HDAC2: variants seen among roughly 807,000 people sequenced by gnomAD.
The protein encoded by HDAC2 is histone deacetylase 2, also known as YY1-associated factor 1.
A neutral mutation model predicts 68.5 loss-of-function variants in HDAC2; 5 were observed. The observed-to-expected ratio is 0.07, with a 90% CI of 0.04 to 0.15. The LOEUF is 0.15. Among genes scored for constraint, HDAC2 ranks in the 10% least tolerant of loss-of-function variants. HDAC2 has a pLI of 1.00. For synonymous variants in HDAC2, 182 were observed against 191.3 expected (o/e 0.95, Z 0.40); for missense variants, 291 against 600.8 (o/e 0.48, Z 5.39).
intron 1 of HDAC2, among the ~76,000 whole-genome samples, chr6:113,963,166 C>A (rs1464873588): frequency 6.6e-6 from 1 of 151,534 alleles, no homozygotes; most frequent in Non-Finnish European, 1.5e-5. Context: ...TCACTGCAAC[C>A]TCCACCTCTG....
intron 2 of HDAC2, among the ~76,000 whole-genome samples, chr6:113,959,259 T>C (rs373515364): frequency 2.0e-5 from 3 of 152,244 alleles, no homozygotes; most frequent in African/African-American, 7.2e-5. Context: ...AGTCTTATTC[T>C]AACTTCCCCT....
At chr6:113,947,948 T>C (rs1262864776) in intron 8 of HDAC2, 1 of 152,178 alleles carries the variant, frequency 6.6e-6, no homozygotes, top group Non-Finnish European at 1.5e-5. Context: ...CACTGTCAAC[T>C]TGCTACCTAA....
In HDAC2 at chr6:113,936,266, C is replaced by T. The variant is rs981258626; in HGVS notation, c.*4792G>A. The T allele has an allele frequency of 1.1e-4, 17 of 151,918 alleles. No individual in the cohort carries two copies. Among genetic ancestry groups the T allele is most frequent in the African/African-American group, 4.1e-4 (17 of 41,432 alleles). The allele number at this position is 151,918 out of a possible 1,614,324, so 9.4% of individuals were successfully genotyped here. On this transcript the variant is annotated 3_prime_UTR_variant, in exon 14 of 14. Transcript: ENST00000519065. ...CCAAGTGACTATAAGAGAAAACACA[C>T]AGAAAAAAAAATTTTAAATGCAGTA...
Position 113,971,115 on chromosome 6 carries a change from G to A in HDAC2, c.-207C>T, listed in dbSNP as rs1451876893. 5.8e-6 allele frequency: 9 copies of A among 1,545,378 alleles called. No individual in the cohort carries two copies. In the East Asian group the frequency reaches 2.0e-4, roughly 34 times the overall value. Reference sequence around the variant, plus strand: ...GCAGAGGTGCCGAAAGCTCGGAATCGGAGGTGGCAGCGGCACCAACTCGCG... The same window carrying A: ...GCAGAGGTGCCGAAAGCTCGGAATCAGAGGTGGCAGCGGCACCAACTCGCG... On this transcript the variant is annotated 5_prime_UTR_variant, in exon 1 of 14. Transcript: ENST00000519065.
chr6:113,944,202 G>A, intron 11 of HDAC2, 78 bp downstream of exon 11: 2 of 1,215,096 alleles, frequency 1.6e-6, no homozygotes, highest in Middle Eastern at 1.9e-4. Context: ...TGACTTTATA[G>A]TGAAGTTCTT....
At chr6:113,966,335 A>T (rs1482526264) in intron 1 of HDAC2, among the ~76,000 whole-genome samples, 1 of 152,140 alleles carries the variant, frequency 6.6e-6, no homozygotes, top group Admixed American at 6.5e-5. Flanking sequence ...GGATCACCCC[A>T]GGTCAGGAGT....
In HDAC2 at chr6:113,934,065, A is replaced by G. The variant is rs1775947344; in HGVS notation, c.*6993T>C. 1 of 152,124 alleles carries G rather than the reference A, an allele frequency of 6.6e-6. No individual in the cohort carries two copies. The highest frequency in any genetic ancestry group is 2.4e-5 in the African/African-American group (1 of 41,416). 9.4% of individuals were successfully genotyped at this position (152,124 alleles called of 1,614,324 possible). On this transcript the variant is annotated 3_prime_UTR_variant, in exon 14 of 14. Transcript: ENST00000519065. ...CTACGGGTAAATGTTTAAATATGAGAAAAAAGTTGACTTTAGAATGTCTAA... is the reference window on the plus strand; with the variant it reads ...CTACGGGTAAATGTTTAAATATGAGGAAAAAGTTGACTTTAGAATGTCTAA...
At chr6:113,947,210 GCT>G (rs1166474849) in intron 8 of HDAC2, 8 of 152,088 alleles carry the variant, frequency 5.3e-5, no homozygotes, top group African/African-American at 1.9e-4. Flanking sequence ...AAGATAGCTG[GCT>G]AAACAAAGAT....
chr6:113,952,029 C>T (rs946515954), intron 6 of HDAC2, among the ~76,000 whole-genome samples: 1 of 152,128 alleles, frequency 6.6e-6, no homozygotes, highest in Non-Finnish European at 1.5e-5. Flanking sequence ...GCTTGACTTC[C>T]ACTAGGATGT....
rs1319774561 is a variant in HDAC2 at position 113,939,004 on chromosome 6, T to C, written c.*2054A>G. 6.6e-6 allele frequency: 1 copy of C among 152,128 alleles called. No individual in the cohort carries two copies. The highest frequency in any genetic ancestry group is 2.4e-5 in the African/African-American group (1 of 41,432). The allele number at this position is 152,128 out of a possible 1,614,324, so 9.4% of individuals were successfully genotyped here. On this transcript the variant is annotated 3_prime_UTR_variant, in exon 14 of 14. Transcript: ENST00000519065. ...TGTTCACACAATGGAACATAATACA[T>C]AGCAGTCAAAATGAACTATACTTAA...
chr6:113,960,748 G>A (rs1373615786), intron 1 of HDAC2, among the ~76,000 whole-genome samples: 1 of 151,956 alleles, frequency 6.6e-6, no homozygotes, highest in Non-Finnish European at 1.5e-5. Context: ...AATACTTTTA[G>A]GTAAAGCTCC....
intron 10 of HDAC2, 95 bp downstream of exon 10, chr6:113,945,267 T>C (rs1776242297): frequency 1.9e-6 from 1 of 528,726 alleles, no homozygotes; most frequent in Admixed American, 3.2e-5. Context: ...AAATATCTAA[T>C]AAAGTTAAAA....
intron 1 of HDAC2, among the ~76,000 whole-genome samples, chr6:113,961,710 T>TAG (rs1159371663): frequency 1.3e-5 from 2 of 152,182 alleles, no homozygotes; most frequent in Non-Finnish European, 2.9e-5. Context: ...GAAAACCCAC[T>TAG]AGTGTTATTA....
chr6:113,966,133 T>A (rs1218128828), intron 1 of HDAC2, among the ~76,000 whole-genome samples: 2 of 152,212 alleles, frequency 1.3e-5, no homozygotes, highest in African/African-American at 4.8e-5. Flanking sequence ...ACCAAACAAA[T>A]GTGAATCTGT....
intron 1 of HDAC2, chr6:113,970,532 TCGC>T (rs71779198): frequency 0.29 from 353,414 of 1,209,600 alleles, 52,234 homozygotes; most frequent in East Asian, 0.35. Context: ...GCCGCCCCCT[TCGC>T]CGCCGCCACC....
intron 1 of HDAC2, among the ~76,000 whole-genome samples, chr6:113,967,823 T>C (rs983245712): frequency 3.3e-5 from 5 of 152,198 alleles, no homozygotes; most frequent in African/African-American, 9.7e-5. Context: ...ATTTTACAGA[T>C]TCTTGATGAT....
At position 113,958,645 on chromosome 6, in the gene HDAC2, G is replaced by A. The variant is rs745478494; in HGVS notation, c.283+4C>T. On this transcript the variant is annotated splice_donor_region_variant and intron_variant, in intron 3 of 13. Coordinates refer to ENST00000519065, the MANE Select transcript of HDAC2 (RefSeq NM_001527.4). ...GCAAAACTACTTTTTACTTAGAAAC[G>A]TACATCTCTGCATCTGCTTACTATA... The A allele has an allele frequency of 1.3e-5, 18 of 1,384,546 alleles. No individual in the cohort carries two copies. Among genetic ancestry groups the A allele is most frequent in the East Asian group, 4.6e-5 (2 of 43,328 alleles). The allele number at this position is 1,384,546 out of a possible 1,614,324, so 85.8% of individuals were successfully genotyped here. A position where few individuals can be genotyped will look rare whatever the true frequency, so the allele number is the denominator to read the frequency against.
chr6:113,958,229 T>C (rs991470466), intron 3 of HDAC2, among the ~76,000 whole-genome samples: 3 of 152,232 alleles, frequency 2.0e-5, no homozygotes, highest in African/African-American at 7.2e-5. Flanking sequence ...ACTAATATCT[T>C]AACAAAGAAA....
rs1038147786 is a variant in HDAC2, at chr6:113,945,948, T to G, written c.982+60A>C. ...TTATCAGGACCTAATTGCAACATAA[T>G]TAGAGGAGCATCTGTATTGACAGTT... is the stretch of plus-strand genomic sequence containing the variant. On this transcript the variant is annotated intron_variant, in intron 9 of 13. Transcript: ENST00000519065. The G allele has an allele frequency of 4.5e-6, 6 of 1,327,828 alleles. No homozygotes were observed. The African/African-American group carries it at 8.7e-5, about 19-fold the overall frequency. The allele number at this position is 1,327,828 out of a possible 1,614,324, so 82.3% of individuals were successfully genotyped here. A position where few individuals can be genotyped will look rare whatever the true frequency, so the allele number is the denominator to read the frequency against.
Sources: allele counts gnomAD v4.1 joint callset (sites outside exome capture counted in the v4.1 genomes callset), GRCh38; gene constraint gnomAD v4.1.1; transcripts MANE v1.5; gene names NCBI Gene and HGNC (gene_info 2026-07-23, HGNC 2026-07-21).